IL1RAPL1: variants seen among roughly 807,000 people sequenced by gnomAD.
IL1RAPL1 encodes the protein interleukin-1 receptor accessory protein-like 1.
A neutral mutation model predicts 48.4 loss-of-function variants in IL1RAPL1; 3 were observed. The observed-to-expected ratio is 0.06, with a 90% CI of 0.03 to 0.16. The LOEUF is 0.16. IL1RAPL1 is among the 10% of genes least tolerant of loss of function. The pLI, the probability that IL1RAPL1 is intolerant of heterozygous loss-of-function variation, is 1.00. For missense variants in IL1RAPL1, 349 were observed against 530.6 expected (o/e 0.66, Z 3.36); for synonymous variants, 185 against 187.7 (o/e 0.99, Z 0.12).
intron 2 of IL1RAPL1, among the ~76,000 whole-genome samples, chrX:29,257,729 G>A (rs1042960687): frequency 9.0e-6 from 1 of 111,647 alleles, no homozygotes; most frequent in Non-Finnish European, 1.9e-5. Flanking sequence ...AGTTTTCACC[G>A]CTGGAATGCT....
At chrX:28,854,923 A>G (rs778890360) in intron 2 of IL1RAPL1, among the ~76,000 whole-genome samples, 3 of 111,905 alleles carry the variant, frequency 2.7e-5, no homozygotes, top group East Asian at 5.7e-4. Flanking sequence ...GCAAGAGTAA[A>G]TGGTTGTATT....
chrX:29,501,091 T>C (rs1277746772), intron 5 of IL1RAPL1, among the ~76,000 whole-genome samples: 1 of 112,193 alleles, frequency 8.9e-6, no homozygotes, highest in East Asian at 2.8e-4. Context: ...CATTTGTATG[T>C]CTTCTTGTGA....
chrX:29,886,425 T>G (rs781755135), intron 6 of IL1RAPL1, among the ~76,000 whole-genome samples: 4 of 112,208 alleles, frequency 3.6e-5, no homozygotes, highest in Non-Finnish European at 7.5e-5. Context: ...ATATCAAGTT[T>G]CACTTAATAA....
At chrX:29,551,648 T>G (rs749933923) in intron 5 of IL1RAPL1, among the ~76,000 whole-genome samples, 7 of 111,781 alleles carry the variant, frequency 6.3e-5, no homozygotes, top group Middle Eastern at 4.6e-3. Flanking sequence ...ATGAACTGAT[T>G]ACTACAATCA....
rs1159198583 is a variant in IL1RAPL1, at chrX:29,089,749, A to AATATATATATATATATATATATAT, written c.83-193174_83-193151dup. ...TTCTACATGAAAGCAGAGAAATATG[A>AATATATATATATATATATATATAT]ATATATATATATATATATATATATA... On this transcript the variant is annotated intron_variant, in intron 2 of 10. Coordinates refer to ENST00000378993, the MANE Select transcript of IL1RAPL1 (RefSeq NM_014271.4). Among the ~76,000 whole-genome samples, 15 of 16,968 alleles carry AATATATATATATATATATATATAT rather than the reference A, an allele frequency of 8.8e-4. 1 individual carries two copies. Among genetic ancestry groups the AATATATATATATATATATATATAT allele is most frequent in the African/African-American group, 1.8e-3 (7 of 3,980 alleles). 14.7% of individuals were successfully genotyped at this position (16,968 alleles called of 115,157 possible). A position where few individuals can be genotyped will look rare whatever the true frequency, so the allele number is the denominator to read the frequency against.
At chrX:28,760,038 A>C (rs1305596840) in intron 1 of IL1RAPL1, among the ~76,000 whole-genome samples, 1 of 112,202 alleles carries the variant, frequency 8.9e-6, no homozygotes, top group East Asian at 2.8e-4. Context: ...AAAAGAAAAA[A>C]GTTTTTAATT....
rs184786051 is a variant in IL1RAPL1, at chrX:29,620,981, C to A, written c.704-47449C>A. On this transcript the variant is annotated intron_variant, in intron 5 of 10. Coordinates refer to ENST00000378993, the MANE Select transcript of IL1RAPL1 (RefSeq NM_014271.4). ...GAACCTTCTTTAAATAGAAAGAATT[C>A]TCTTGCAGTACGTGGTAATTGCCAT... 7.2e-3 allele frequency among the ~76,000 whole-genome samples: 801 copies of A among 111,898 alleles called. 3 individuals carry two copies. The highest frequency in any genetic ancestry group is 0.011 in the Non-Finnish European group (595 of 53,077).
chrX:29,803,704 G>T (rs959176649), intron 6 of IL1RAPL1, among the ~76,000 whole-genome samples: 4 of 105,945 alleles, frequency 3.8e-5, no homozygotes, highest in Non-Finnish European at 5.8e-5. Flanking sequence ...TTTTTATTTT[G>T]ATTATAACTT....
At position 28,738,174 on chromosome X, in the gene IL1RAPL1, TTTA is replaced by T. The variant is rs200040349; in HGVS notation, c.-24-51145_-24-51143del. On this transcript the variant is annotated intron_variant, in intron 1 of 10. Transcript: ENST00000378993. ...CTCTTCCAAATATCTAATCTCTTTT[TTTA>T]AAAAAAAAAAATCTTAGAACATTAT... 2.8e-3 allele frequency among the ~76,000 whole-genome samples: 305 copies of T among 110,540 alleles called. 1 individual carries two copies. Among genetic ancestry groups the T allele is most frequent in the African/African-American group, 9.9e-3 (300 of 30,158 alleles).
intron 6 of IL1RAPL1, among the ~76,000 whole-genome samples, chrX:29,838,921 A>T (rs1317564362): frequency 8.9e-6 from 1 of 111,953 alleles, no homozygotes; most frequent in Non-Finnish European, 1.9e-5. Context: ...AGGCTGATCT[A>T]TGGAGGCTTC....
At chrX:29,163,083 A>AG (rs1458895712) in intron 2 of IL1RAPL1, among the ~76,000 whole-genome samples, 1 of 110,364 alleles carries the variant, frequency 9.1e-6, no homozygotes, top group Non-Finnish European at 1.9e-5. Flanking sequence ...AAAAAAAAAA[A>AG]AAAGAAAGAA....
At chrX:28,887,592 C>T (rs968072937) in intron 2 of IL1RAPL1, among the ~76,000 whole-genome samples, 1 of 111,396 alleles carries the variant, frequency 9.0e-6, no homozygotes, top group Non-Finnish European at 1.9e-5. Context: ...TGACAATCAT[C>T]CTATGCATTT....
intron 6 of IL1RAPL1, among the ~76,000 whole-genome samples, chrX:29,821,861 A>T (rs2147183493): frequency 8.9e-6 from 1 of 112,400 alleles, no homozygotes; most frequent in African/African-American, 3.2e-5. Flanking sequence ...AGTGAAAGAT[A>T]ACATGGCTCT....
intron 5 of IL1RAPL1, among the ~76,000 whole-genome samples, chrX:29,646,577 A>G (rs989990613): frequency 2.9e-4 from 32 of 111,574 alleles, no homozygotes; most frequent in African/African-American, 9.8e-4. Context: ...CTGCAGAAAG[A>G]TATAAATATC....
intron 2 of IL1RAPL1, among the ~76,000 whole-genome samples, chrX:29,162,809 C>G (rs1410224764): frequency 1.8e-5 from 2 of 110,350 alleles, no homozygotes; most frequent in African/African-American, 6.6e-5. Context: ...CATGGTGGCT[C>G]ACGCCTGTAA....
Position 29,672,018 on chromosome X carries a change from C to A in IL1RAPL1, c.778+3514C>A, listed in dbSNP as rs189235072. Among the ~76,000 whole-genome samples the A allele has an allele frequency of 1.9e-4, 21 of 111,892 alleles. No homozygotes were observed. In the East Asian group the frequency reaches 5.6e-3, roughly 30 times the overall value. On this transcript the variant is annotated intron_variant, in intron 6 of 10. Coordinates refer to ENST00000378993, the MANE Select transcript of IL1RAPL1 (RefSeq NM_014271.4). ...GGGAAATAGAGAGAAGAATCTTTTT[C>A]TTACACTCTACATTATAAACGCATT...
intron 1 of IL1RAPL1, among the ~76,000 whole-genome samples, chrX:28,589,919 A>T (rs1009795146): frequency 6.2e-5 from 7 of 112,098 alleles, no homozygotes; most frequent in African/African-American, 2.3e-4. Context: ...TGGATTCATT[A>T]TTAACACAAA....
intron 1 of IL1RAPL1, among the ~76,000 whole-genome samples, chrX:28,784,712 C>T (rs1017472953): frequency 1.8e-5 from 2 of 111,670 alleles, no homozygotes; most frequent in African/African-American, 6.5e-5. Flanking sequence ...ATTCTCCCTG[C>T]TTTATAGTTA....
At chrX:29,749,825 A>T (rs1928418368) in intron 6 of IL1RAPL1, among the ~76,000 whole-genome samples, 1 of 112,381 alleles carries the variant, frequency 8.9e-6, no homozygotes, top group Non-Finnish European at 1.9e-5. Context: ...CTTGGAAGCT[A>T]TTCGGGAATA....
Sources: allele counts gnomAD v4.1 joint callset (sites outside exome capture counted in the v4.1 genomes callset), GRCh38; gene constraint gnomAD v4.1.1; transcripts MANE v1.5; gene names NCBI Gene and HGNC (gene_info 2026-07-23, HGNC 2026-07-21).